Variants in EDEM3 observed in about 807,000 individuals in gnomAD.
EDEM3 encodes the protein ER degradation enhancing alpha-mannosidase like protein 3.
Under a neutral mutation model 110.2 loss-of-function variants are expected in EDEM3, and 60 were observed. The observed-to-expected ratio is 0.54, with a 90% CI of 0.44 to 0.67. EDEM3 has a LOEUF of 0.67. Among genes scored for constraint, EDEM3 ranks in the 30% least tolerant of loss-of-function variants. The probability of loss-of-function intolerance (pLI) is 0.00; values close to 1 mark genes in which losing one functional copy is unlikely to be tolerated. For missense variants in EDEM3, 996 were observed against 1,121.0 expected (o/e 0.89, Z 1.59); for synonymous variants, 352 against 382.9 (o/e 0.92, Z 0.94).
At chr1:184,710,274 C>T (rs1650153175) in intron 16 of EDEM3, 120 bp downstream of exon 16, 1 of 1,190,870 alleles carries the variant, frequency 8.4e-7, no homozygotes, top group Admixed American at 2.8e-5. Flanking sequence ...TTCTCATTCT[C>T]TCACTTTAAA....
chr1:184,700,937 AT>A (rs1296890632), intron 19 of EDEM3, among the ~76,000 whole-genome samples: 1 of 152,188 alleles, frequency 6.6e-6, no homozygotes, highest in East Asian at 1.9e-4. Context: ...TTATCAAAAG[AT>A]CACTCTATAA....
At chr1:184,746,510 T>C (rs1156327852) in intron 2 of EDEM3, among the ~76,000 whole-genome samples, 1 of 152,248 alleles carries the variant, frequency 6.6e-6, no homozygotes, top group Admixed American at 6.5e-5. Flanking sequence ...TGCCAGATAT[T>C]AGTTCTAAGC....
chr1:184,694,868 T>C lies in EDEM3; in HGVS notation c.2390-396A>G, dbSNP rs114930561. On this transcript the variant is annotated intron_variant, in intron 19 of 19. Transcript: ENST00000318130. The stretch of plus-strand genomic sequence containing the variant: ...ATAAGAACATATTAAACAGAATCAA[T>C]TTTAAACAGCATATATCATTGCTAT... 2.8e-3 allele frequency among the ~76,000 whole-genome samples: 426 copies of C among 152,174 alleles called. 5 individuals carry two copies. In the East Asian group the frequency reaches 0.036, roughly 13 times the overall value.
intron 17 of EDEM3, among the ~76,000 whole-genome samples, chr1:184,707,780 G>C (rs1439047890): frequency 6.6e-6 from 1 of 152,186 alleles, no homozygotes; most frequent in Non-Finnish European, 1.5e-5. Context: ...ACTTGAGCCA[G>C]AGCTTCTGTG....
In EDEM3 at chr1:184,716,907, T is replaced by C; in HGVS notation, c.1351A>G (p.Thr451Ala). The change falls in exon 13 of 20, where the codon ACT becomes GCT. Residue 451 changes from threonine to alanine, a missense_variant. Physicochemically the swap from Thr to Ala is moderately conservative, Grantham distance 58. Transcript: ENST00000318130. ...CGFAAMKDVR[T>A]GSHEDRMDSF... ...TTTTACCTGTCCTCATGACTTCCAGTACGAACATCCTTCATGGCAGCAAAT... is the reference window on the plus strand; with the variant it reads ...TTTTACCTGTCCTCATGACTTCCAGCACGAACATCCTTCATGGCAGCAAAT... 1 of 1,613,382 alleles carries C rather than the reference T, an allele frequency of 6.2e-7. No homozygotes were observed. The highest frequency in any genetic ancestry group is 8.5e-7 in the Non-Finnish European group (1 of 1,179,436).
intron 16 of EDEM3, among the ~76,000 whole-genome samples, chr1:184,709,470 A>G (rs1650108432): frequency 6.6e-6 from 1 of 152,238 alleles, no homozygotes; most frequent in Non-Finnish European, 1.5e-5. Context: ...ACAAAGCAAT[A>G]AACAGTGAAG....
At chr1:184,696,184 C>CA (rs1649318132) in intron 19 of EDEM3, among the ~76,000 whole-genome samples, 1 of 151,912 alleles carries the variant, frequency 6.6e-6, no homozygotes, top group African/African-American at 2.4e-5. Flanking sequence ...CACACCCAAA[C>CA]AGACTTTTCT....
chr1:184,734,038 G>A (rs1373551108), intron 5 of EDEM3, among the ~76,000 whole-genome samples: 4 of 152,122 alleles, frequency 2.6e-5, no homozygotes, highest in Non-Finnish European at 5.9e-5. Context: ...GTCTAGAGAC[G>A]TCTGTGAGTG....
intron 19 of EDEM3, among the ~76,000 whole-genome samples, chr1:184,697,204 T>C (rs1649378294): frequency 6.6e-6 from 1 of 151,822 alleles, no homozygotes; most frequent in Non-Finnish European, 1.5e-5. Flanking sequence ...GTTGCTTAAA[T>C]AAAATCATAA....
intron 1 of EDEM3, among the ~76,000 whole-genome samples, chr1:184,752,577 TTTGG>T (rs1652827514): frequency 6.6e-6 from 1 of 152,224 alleles, no homozygotes; most frequent in South Asian, 2.1e-4. Flanking sequence ...TTCAAGCCAA[TTTGG>T]TTGAACTTTT....
chr1:184,696,361 A>G (rs1649326831), intron 19 of EDEM3, among the ~76,000 whole-genome samples: 1 of 151,912 alleles, frequency 6.6e-6, no homozygotes, highest in Non-Finnish European at 1.5e-5. Context: ...GTCCCCTTTC[A>G]TATTTTGTAT....
At chr1:184,716,775 A>C in intron 13 of EDEM3, 113 bp downstream of exon 13, 1 of 1,417,894 alleles carries the variant, frequency 7.1e-7, no homozygotes, top group Non-Finnish European at 9.4e-7. Context: ...ACAAGGAACA[A>C]AGGTTTCTAT....
chr1:184,748,627 G>A lies in EDEM3; in HGVS notation c.204+920C>T, dbSNP rs536712436. 3.3e-5 allele frequency among the ~76,000 whole-genome samples: 5 copies of A among 152,094 alleles called. No individual in the cohort carries two copies. In the South Asian group the frequency reaches 1.0e-3, roughly 32 times the overall value. On this transcript the variant is annotated intron_variant, in intron 2 of 19. Coordinates refer to ENST00000318130, the MANE Select transcript of EDEM3 (RefSeq NM_025191.4). The stretch of plus-strand genomic sequence containing the variant: ...AATTTACAATATAAAAGAGAACGAG[G>A]ACTGTCAAATATAAAACATGTTTTA...
intron 13 of EDEM3, among the ~76,000 whole-genome samples, chr1:184,714,151 A>T (rs1309744956): frequency 6.6e-6 from 1 of 152,228 alleles, no homozygotes; most frequent in African/African-American, 2.4e-5. Flanking sequence ...GGATACTGAT[A>T]ATTGGCAAAT....
intron 13 of EDEM3, among the ~76,000 whole-genome samples, chr1:184,714,441 A>T (rs955091530): frequency 2.0e-5 from 3 of 152,162 alleles, no homozygotes; most frequent in Admixed American, 6.6e-5. Context: ...AGTAATTATG[A>T]TTAGGAAAAT....
chr1:184,723,864 TTAAA>T lies in EDEM3; in HGVS notation c.748-12_748-9del, dbSNP rs776453989. On this transcript the variant is annotated splice_polypyrimidine_tract_variant and intron_variant, in intron 7 of 19. Coordinates refer to ENST00000318130, the MANE Select transcript of EDEM3 (RefSeq NM_025191.4). ...AGCTTTTCTGGCATATTCCTGTAATTTAAAAAAAAAAAAAAAAAAAAGAAGTGCA... is the reference window on the plus strand; with the variant it reads ...AGCTTTTCTGGCATATTCCTGTAATTAAAAAAAAAAAAAAAAAGAAGTGCA... 4 of 1,304,300 alleles carry T rather than the reference TTAAA, an allele frequency of 3.1e-6. No homozygotes were observed. The African/African-American group carries it at 8.7e-5, about 28-fold the overall frequency. 80.8% of individuals were successfully genotyped at this position (1,304,300 alleles called of 1,614,324 possible). A position where few individuals can be genotyped will look rare whatever the true frequency, so the allele number is the denominator to read the frequency against.
At chr1:184,719,107 T>C in intron 11 of EDEM3, 55 bp downstream of exon 11, 1 of 945,350 alleles carries the variant, frequency 1.1e-6, no homozygotes, top group Non-Finnish European at 1.6e-6. Flanking sequence ...TGTGTACGTG[T>C]GTGTGTGTGT....
chr1:184,711,593 A>G, intron 15 of EDEM3, 130 bp downstream of exon 15: 1 of 619,156 alleles, frequency 1.6e-6, no homozygotes, highest in Non-Finnish European at 2.5e-6. Context: ...TTAACCAGTG[A>G]TAGCTACATA....
Position 184,737,635 on chromosome 1 carries a change from C to G in EDEM3, c.281G>C (p.Gly94Ala). The change falls in exon 3 of 20, where the codon GGT (glycine) becomes GCT (alanine). Residue 94 changes from glycine (G) to alanine (A), a missense_variant. Transcript: ENST00000318130. Reference sequence around the variant, plus strand: ...CTTTCCCAAGGCATCATCAACGTCACCGCGACTTGGCTCTTGGCCTCTAAC... The same window carrying G: ...CTTTCCCAAGGCATCATCAACGTCAGCGCGACTTGGCTCTTGGCCTCTAAC... ...GRVRGQEPSR[G>A]DVDDALGKFS... The G allele has an allele frequency of 6.2e-7, 1 of 1,614,016 alleles. No homozygotes were observed. The highest frequency in any genetic ancestry group is 8.5e-7 in the Non-Finnish European group (1 of 1,179,898).
Sources: gnomAD v4.1 joint callset for allele counts (sites outside exome capture counted in the v4.1 genomes callset) on GRCh38, gnomAD v4.1.1 for gene constraint, MANE v1.5 for transcripts, NCBI Gene and HGNC (gene_info 2026-07-23, HGNC 2026-07-21) for gene names.